Variants in MAMDC2 observed in about 807,000 individuals in gnomAD.
The protein encoded by MAMDC2 is MAM domain containing 2.
A neutral mutation model predicts 89.8 loss-of-function variants in MAMDC2; 57 were observed. That is an observed-to-expected ratio of 0.63 (90% CI 0.51 to 0.79). The LOEUF is 0.79. MAMDC2 is among the 30% of genes least tolerant of loss of function. The pLI is 0.00. For synonymous variants in MAMDC2, 313 were observed against 293.4 expected, an observed-to-expected ratio of 1.07 and a Z score of -0.68; for missense variants, 800 against 820.6, an observed-to-expected ratio of 0.97 and a Z score of 0.31.
intron 2 of MAMDC2, among the ~76,000 whole-genome samples, chr9:70,089,866 G>A (rs2118170556): frequency 6.6e-6 from 1 of 152,282 alleles, no homozygotes; most frequent in South Asian, 2.1e-4. Flanking sequence ...AGCTGTTATA[G>A]TTGTGGAGAT....
chr9:70,097,917 AG>A (rs2118206094), intron 2 of MAMDC2, among the ~76,000 whole-genome samples: 1 of 152,220 alleles, frequency 6.6e-6, no homozygotes, highest in East Asian at 1.9e-4. Context: ...TGGCAAGGAG[AG>A]GGGTGAAGAG....
chr9:70,203,185 G>A (rs1490737398), intron 11 of MAMDC2, among the ~76,000 whole-genome samples: 12 of 152,046 alleles, frequency 7.9e-5, no homozygotes, highest in African/African-American at 1.2e-4. Flanking sequence ...ATTTTGCAGC[G>A]GCTGGTACCG....
chr9:70,218,190 A>G (rs1223338548), intron 11 of MAMDC2, 147 bp from the exon 12 acceptor site: 1 of 764,544 alleles, frequency 1.3e-6, no homozygotes, highest in African/African-American at 1.8e-5. Flanking sequence ...TTCTCCTTAG[A>G]TAATATGCAT....
chr9:70,052,988 A>G (rs1290720820), intron 2 of MAMDC2, among the ~76,000 whole-genome samples: 2 of 152,146 alleles, frequency 1.3e-5, no homozygotes, highest in Non-Finnish European at 1.5e-5. Context: ...AACAACCACA[A>G]TGCAACCTTG....
At chr9:70,052,015 A>G (rs1826916763) in intron 2 of MAMDC2, among the ~76,000 whole-genome samples, 1 of 152,190 alleles carries the variant, frequency 6.6e-6, no homozygotes, top group Non-Finnish European at 1.5e-5. Context: ...ATTTTTTTAA[A>G]GCTATATCCA....
At chr9:70,160,729 G>A (rs1192982765) in intron 9 of MAMDC2, among the ~76,000 whole-genome samples, 1 of 152,148 alleles carries the variant, frequency 6.6e-6, no homozygotes, top group Non-Finnish European at 1.5e-5. Context: ...AAGAGCTGCT[G>A]TGGAAAGGAG....
intron 11 of MAMDC2, among the ~76,000 whole-genome samples, chr9:70,198,739 A>G (rs1408612701): frequency 6.6e-6 from 1 of 152,132 alleles, no homozygotes; most frequent in East Asian, 1.9e-4. Context: ...TTCTCTTCCA[A>G]TATGCTAATA....
intron 11 of MAMDC2, among the ~76,000 whole-genome samples, chr9:70,187,554 T>C (rs1044665683): frequency 6.6e-6 from 1 of 152,124 alleles, no homozygotes; most frequent in Non-Finnish European, 1.5e-5. Context: ...TATCTAATTC[T>C]AGAACATTTT....
intron 11 of MAMDC2, among the ~76,000 whole-genome samples, chr9:70,204,950 C>G (rs571533494): frequency 6.6e-6 from 1 of 152,368 alleles, no homozygotes; most frequent in South Asian, 2.1e-4. Context: ...CCTGCCCCCA[C>G]TGTCTGGCAC....
chr9:70,095,213 A>G (rs1486843471), intron 2 of MAMDC2, among the ~76,000 whole-genome samples: 1 of 152,216 alleles, frequency 6.6e-6, no homozygotes, highest in Non-Finnish European at 1.5e-5. Context: ...CACCAAGGCC[A>G]TGTAAATTGA....
intron 9 of MAMDC2, among the ~76,000 whole-genome samples, chr9:70,164,377 T>C (rs2032094708): frequency 6.6e-6 from 1 of 152,232 alleles, no homozygotes; most frequent in Non-Finnish European, 1.5e-5. Flanking sequence ...TTTAAAATTA[T>C]TTCTTTGCAA....
At chr9:70,127,792 G>T (rs963338156) in intron 6 of MAMDC2, among the ~76,000 whole-genome samples, 3 of 151,926 alleles carry the variant, frequency 2.0e-5, no homozygotes, top group African/African-American at 7.3e-5. Flanking sequence ...TTGCAGCCCA[G>T]TGGAAAATTT....
chr9:70,131,839 A>G (rs1315252817), intron 7 of MAMDC2, among the ~76,000 whole-genome samples: 1 of 152,174 alleles, frequency 6.6e-6, no homozygotes, highest in Non-Finnish European at 1.5e-5. Flanking sequence ...CTATCTTAGG[A>G]AGGTTTCATC....
intron 5 of MAMDC2, 24 bp from the exon 6 acceptor site, chr9:70,126,133 CTG>C (rs1403531766): frequency 6.3e-7 from 1 of 1,577,952 alleles, no homozygotes; most frequent in African/African-American, 1.3e-5. Flanking sequence ...ACTCTTAACA[CTG>C]TGCTCTGTCT....
At chr9:70,077,431 G>C (rs887828334) in intron 2 of MAMDC2, among the ~76,000 whole-genome samples, 2 of 152,180 alleles carry the variant, frequency 1.3e-5, no homozygotes, top group Admixed American at 6.5e-5. Context: ...GGGCTGTTCT[G>C]TACTATAGCT....
intron 6 of MAMDC2, among the ~76,000 whole-genome samples, chr9:70,127,379 G>A (rs1485030147): frequency 6.6e-6 from 1 of 152,196 alleles, no homozygotes; most frequent in Admixed American, 6.5e-5. Flanking sequence ...TCTAGAATCA[G>A]TGGGTGCAGC....
At chr9:70,217,368 G>T in intron 11 of MAMDC2, 1 of 1,342,010 alleles carries the variant, frequency 7.5e-7, no homozygotes, top group Middle Eastern at 2.0e-4. Context: ...ACAGAAGGAA[G>T]CACAAAAAGG....
chr9:70,090,780 C>T (rs1827880056), intron 2 of MAMDC2: 1 of 152,084 alleles, frequency 6.6e-6, no homozygotes, highest in Admixed American at 6.5e-5. Flanking sequence ...CTCAGAAATC[C>T]GTACTTAGTC....
chr9:70,070,192 C>T (rs1414660258), intron 2 of MAMDC2, among the ~76,000 whole-genome samples: 1 of 152,156 alleles, frequency 6.6e-6, no homozygotes, highest in Non-Finnish European at 1.5e-5. Context: ...CCTGACTGCT[C>T]CTTGGGAGGA....
Sources: gnomAD v4.1 joint callset for allele counts (sites outside exome capture counted in the v4.1 genomes callset) on GRCh38, gnomAD v4.1.1 for gene constraint, MANE v1.5 for transcripts, NCBI Gene and HGNC (gene_info 2026-07-23, HGNC 2026-07-21) for gene names.